The following MSN variants were observed in gnomAD, a reference collection of about 807,000 sequenced individuals.
MSN encodes moesin.
MSN carries 2 observed loss-of-function variants against 48.0 expected under a neutral mutation model. The ratio of observed to expected loss-of-function variants is 0.04; its 90% CI spans 0.02 to 0.13. The LOEUF is 0.13. Ranked by LOEUF, MSN falls within the 10% of genes least tolerant of loss-of-function variation. The probability of loss-of-function intolerance (pLI) is 1.00; values close to 1 mark genes in which losing one functional copy is unlikely to be tolerated. For missense variants in MSN, 267 were observed against 470.1 expected, an observed-to-expected ratio of 0.57 and a Z score of 3.99; for synonymous variants, 146 against 166.9, an observed-to-expected ratio of 0.87 and a Z score of 0.97.
intron 1 of MSN, among the ~76,000 whole-genome samples, chrX:65,648,581 T>C (rs1451419246): frequency 3.0e-5 from 3 of 99,928 alleles, no homozygotes; most frequent in Non-Finnish European, 4.0e-5. Context: ...AAAAAATAAA[T>C]AAAAGAGAGG....
intron 1 of MSN, among the ~76,000 whole-genome samples, chrX:65,704,991 G>A (rs1192683181): frequency 9.1e-6 from 1 of 110,282 alleles, no homozygotes; most frequent in Non-Finnish European, 1.9e-5. Context: ...GGCTGGTCTC[G>A]AACTCCTGAC....
intron 1 of MSN, among the ~76,000 whole-genome samples, chrX:65,716,278 T>C (rs1446776960): frequency 3.6e-5 from 4 of 111,267 alleles, no homozygotes; most frequent in Non-Finnish European, 1.9e-5. Flanking sequence ...CTGCATTCTT[T>C]TTTAAAAATT....
At chrX:65,707,258 C>T (rs2071371087) in intron 1 of MSN, among the ~76,000 whole-genome samples, 1 of 110,740 alleles carries the variant, frequency 9.0e-6, no homozygotes, top group Admixed American at 9.6e-5. Flanking sequence ...AGTGTACCAC[C>T]GAGATGAGTT....
chrX:65,686,354 C>T (rs2071114958), intron 1 of MSN, among the ~76,000 whole-genome samples: 1 of 112,300 alleles, frequency 8.9e-6, no homozygotes, highest in African/African-American at 3.2e-5. Flanking sequence ...GTTCTGCTTG[C>T]CCAGCCTTTA....
Position 65,731,704 on chromosome X carries a change from C to T in MSN, c.552-134C>T, listed in dbSNP as rs1213204707. On this transcript the variant is annotated intron_variant, in intron 5 of 12. Coordinates refer to ENST00000360270, the MANE Select transcript of MSN (RefSeq NM_002444.3). ...CATGCTGTGCTCTGTTCTCCATCAT[C>T]TGCTTGCCTTTTGTCCCCTTTCCCA... 9 of 694,402 alleles carry T rather than the reference C, an allele frequency of 1.3e-5. No homozygotes were observed. In the African/African-American group the frequency reaches 2.0e-4, roughly 15 times the overall value. The allele number at this position is 694,402 out of a possible 1,213,427, so 57.2% of individuals were successfully genotyped here.
At chrX:65,735,235 C>T (rs765328991) in intron 7 of MSN, 32 bp from the exon 8 acceptor site, 1 of 1,202,543 alleles carries the variant, frequency 8.3e-7, no homozygotes, top group East Asian at 3.0e-5. Flanking sequence ...CCTGTCCCTC[C>T]AAATTCTTTC....
intron 5 of MSN, 75 bp from the exon 6 acceptor site, chrX:65,731,763 A>C: frequency 1.8e-6 from 2 of 1,109,558 alleles, no homozygotes; most frequent in Non-Finnish European, 2.4e-6. Context: ...AGAAGTACAG[A>C]GTAAGCAGGC....
At chrX:65,693,306 C>T (rs191881490) in intron 1 of MSN, among the ~76,000 whole-genome samples, 1 of 112,285 alleles carries the variant, frequency 8.9e-6, no homozygotes, top group African/African-American at 3.2e-5. Context: ...GTGTCTCTAT[C>T]TCCTTCAGTT....
At chrX:65,592,993 A>G (rs1256490564) in intron 1 of MSN, among the ~76,000 whole-genome samples, 1 of 111,688 alleles carries the variant, frequency 9.0e-6, no homozygotes, top group Non-Finnish European at 1.9e-5. Context: ...ATGAGCCTAG[A>G]TCACGTCACT....
intron 1 of MSN, among the ~76,000 whole-genome samples, chrX:65,609,492 C>A (rs2070303143): frequency 9.0e-6 from 1 of 111,299 alleles, no homozygotes; most frequent in African/African-American, 3.3e-5. Context: ...AGCTCTACAA[C>A]CTAGTCTCTA....
At chrX:65,640,034 CA>C (rs201280743) in intron 1 of MSN, among the ~76,000 whole-genome samples, 1,832 of 111,485 alleles carry the variant, frequency 0.016, 35 homozygotes, top group African/African-American at 0.058. Flanking sequence ...AGGTGACAAT[CA>C]TAAAGAACAC....
Position 65,731,137 on chromosome X carries a change from C to A in MSN, c.498C>A (p.Asp166Glu). The A allele has an allele frequency of 8.3e-7, 1 of 1,208,118 alleles. No individual in the cohort carries two copies. The highest frequency in any genetic ancestry group is 1.1e-6 in the Non-Finnish European group (1 of 893,792). Residue 166 changes from aspartate (D) to glutamate (E), a missense_variant, in exon 5 of 13, where the codon GAC becomes GAA. Transcript: ENST00000360270. ...RVLEQHKLNK[D>E]QWEERIQVWH... Reference sequence around the variant, plus strand: ...TGGAACAGCACAAACTCAACAAGGACCAGTGGGAGGAGCGGATCCAGGTGT... The same window carrying A: ...TGGAACAGCACAAACTCAACAAGGAACAGTGGGAGGAGCGGATCCAGGTGT...
At chrX:65,733,556 C>A (rs912478176) in intron 7 of MSN, among the ~76,000 whole-genome samples, 1 of 112,422 alleles carries the variant, frequency 8.9e-6, no homozygotes, top group Non-Finnish European at 1.9e-5. Flanking sequence ...AGAACTGCTT[C>A]TTAGCCATTG....
chrX:65,606,777 G>A (rs967667066), intron 1 of MSN, among the ~76,000 whole-genome samples: 3 of 112,565 alleles, frequency 2.7e-5, no homozygotes, highest in East Asian at 2.8e-4. Flanking sequence ...ACTGTCCATC[G>A]TAGAATTCTG....
Position 65,729,512 on chromosome X carries a change from G to A in MSN, c.267G>A (p.Val89=). 1 of 1,211,806 alleles carries A rather than the reference G, an allele frequency of 8.3e-7. No individual in the cohort carries two copies. Among genetic ancestry groups the A allele is most frequent in the Non-Finnish European group, 1.1e-6 (1 of 895,528 alleles). The change falls in exon 4 of 13, where the codon GTG becomes GTA. Residue 89 remains valine (V), a synonymous_variant. Coordinates refer to ENST00000360270, the MANE Select transcript of MSN (RefSeq NM_002444.3). Reference sequence around the variant, plus strand: ...GTGCCAAGTTCTACCCTGAGGATGTGTCCGAGGAATTGATTCAGGACATCA... The same window carrying A: ...GTGCCAAGTTCTACCCTGAGGATGTATCCGAGGAATTGATTCAGGACATCA... ...KFRAKFYPED[V]SEELIQDITQ...
chrX:65,721,823 C>T (rs1421344703), intron 2 of MSN, among the ~76,000 whole-genome samples: 1 of 112,110 alleles, frequency 8.9e-6, no homozygotes, highest in Non-Finnish European at 1.9e-5. Flanking sequence ...TGGCTCATGC[C>T]TGTAATCCTA....
At chrX:65,647,468 C>A (rs756651608) in intron 1 of MSN, among the ~76,000 whole-genome samples, 3 of 112,493 alleles carry the variant, frequency 2.7e-5, no homozygotes, top group Non-Finnish European at 5.6e-5. Flanking sequence ...ACCTCGGCTT[C>A]CCAAAGTGCT....
chrX:65,729,692 A>C lies in MSN; in HGVS notation c.447A>C (p.Gly149=). The C allele has an allele frequency of 8.3e-7, 1 of 1,210,886 alleles. No individual in the cohort carries two copies. Among genetic ancestry groups the C allele is most frequent in the African/African-American group, 1.7e-5 (1 of 57,814 alleles). ...KEVHKSGYLA[G]DKLLPQRVLE... ...TGCATAAGTCTGGCTACCTGGCCGG[A>C]GACAAGTTGCTCCCGCAGAGGTGAG... Residue 149 remains glycine (G), a synonymous_variant, in exon 4 of 13, where the codon GGA becomes GGC. Coordinates refer to ENST00000360270, the MANE Select transcript of MSN (RefSeq NM_002444.3).
chrX:65,662,182 C>G lies in MSN; in HGVS notation c.-21-54636C>G, dbSNP rs754015941. Among the ~76,000 whole-genome samples, 26 of 112,519 alleles carry G rather than the reference C, an allele frequency of 2.3e-4. No individual in the cohort carries two copies. The South Asian group carries it at 9.5e-3, about 41-fold the overall frequency. ...TCCCATGCTCATGGATTGGAAGAAG[C>G]AATATCATTAAAATAGCCATACTGC... On this transcript the variant is annotated intron_variant, in intron 1 of 3. Transcript: ENST00000609672.
Sources: gnomAD v4.1 joint callset for allele counts (sites outside exome capture counted in the v4.1 genomes callset) on GRCh38, gnomAD v4.1.1 for gene constraint, MANE v1.5 for transcripts, NCBI Gene and HGNC (gene_info 2026-07-23, HGNC 2026-07-21) for gene names.